The following RCOR1 variants were observed in gnomAD, a reference collection of about 807,000 sequenced individuals.
RCOR1 encodes the protein REST corepressor 1.
Under a neutral mutation model 64.0 loss-of-function variants are expected in RCOR1, and 12 were observed. The ratio of observed to expected loss-of-function variants is 0.19; its 90% CI spans 0.12 to 0.30. The LOEUF is 0.30. RCOR1 is among the 10% of genes least tolerant of loss of function. The pLI is 1.00. For missense variants in RCOR1, 502 were observed against 621.2 expected, an observed-to-expected ratio of 0.81 and a Z score of 2.04; for synonymous variants, 279 against 227.2, an observed-to-expected ratio of 1.23 and a Z score of -2.05.
At chr14:102,612,973 A>AT (rs138481470) in intron 2 of RCOR1, among the ~76,000 whole-genome samples, 1 of 151,416 alleles carries the variant, frequency 6.6e-6, no homozygotes, top group Non-Finnish European at 1.5e-5. Context: ...AAAAAAAAAA[A>AT]GAAAAAACAA....
chr14:102,712,832 A>G (rs932416478), intron 7 of RCOR1, among the ~76,000 whole-genome samples: 1 of 150,020 alleles, frequency 6.7e-6, no homozygotes, highest in Non-Finnish European at 1.5e-5. Context: ...ATGTATTGCT[A>G]TTTACTAGGT....
rs1896303661 is a variant in RCOR1, at chr14:102,727,998, C to A, written c.*1492C>A. 1 of 152,482 alleles carries A rather than the reference C, an allele frequency of 6.6e-6. No individual in the cohort carries two copies. Among genetic ancestry groups the A allele is most frequent in the Admixed American group, 6.6e-5 (1 of 15,260 alleles). 9.4% of individuals were successfully genotyped at this position (152,482 alleles called of 1,614,324 possible). On this transcript the variant is annotated 3_prime_UTR_variant, in exon 12 of 12. Transcript: ENST00000262241. ...TCCTGCTTTCAATACCAAAAAAATG[C>A]AGATGCTTTAAGGCCTAAACAGAAT...
At chr14:102,625,138 G>A (rs1893954026) in intron 2 of RCOR1, among the ~76,000 whole-genome samples, 1 of 151,804 alleles carries the variant, frequency 6.6e-6, no homozygotes, top group Admixed American at 6.6e-5. Flanking sequence ...GCCTCCCAAA[G>A]TGTTGGGATT....
At chr14:102,629,208 C>T (rs536092119) in intron 2 of RCOR1, among the ~76,000 whole-genome samples, 2 of 152,292 alleles carry the variant, frequency 1.3e-5, no homozygotes, top group East Asian at 1.9e-4. Context: ...ATTCTTGCCA[C>T]GTGTACTGAA....
intron 2 of RCOR1, among the ~76,000 whole-genome samples, chr14:102,653,006 C>T (rs1174230646): frequency 6.6e-6 from 1 of 152,090 alleles, no homozygotes; most frequent in Non-Finnish European, 1.5e-5. Flanking sequence ...GATCTTGGCT[C>T]ACTGCAACCT....
chr14:102,625,863 C>T (rs982997947), intron 2 of RCOR1, among the ~76,000 whole-genome samples: 6 of 152,202 alleles, frequency 3.9e-5, no homozygotes, highest in East Asian at 1.9e-4. Context: ...TTCCCAGAGC[C>T]GCTGTGAATG....
intron 2 of RCOR1, among the ~76,000 whole-genome samples, chr14:102,632,641 T>G: frequency 1.6e-5 from 1 of 61,924 alleles, no homozygotes; most frequent in Non-Finnish European, 3.8e-5. Flanking sequence ...TTCCTTTCCT[T>G]TCCTTTCCTT....
chr14:102,606,463 C>T (rs889726155), intron 2 of RCOR1, among the ~76,000 whole-genome samples: 3 of 152,028 alleles, frequency 2.0e-5, no homozygotes, highest in African/African-American at 7.2e-5. Context: ...TCAAACTTAG[C>T]GTGGATATAG....
chr14:102,647,921 C>T (rs756284495), intron 2 of RCOR1, among the ~76,000 whole-genome samples: 8 of 151,610 alleles, frequency 5.3e-5, no homozygotes, highest in Non-Finnish European at 7.4e-5. Context: ...TCAAGTGAGC[C>T]GCCTACCTTG....
intron 11 of RCOR1, among the ~76,000 whole-genome samples, chr14:102,724,077 C>G (rs1460104769): frequency 6.6e-6 from 1 of 151,852 alleles, no homozygotes; most frequent in Non-Finnish European, 1.5e-5. Context: ...CCGTAATGAT[C>G]CACTTACCGT....
At chr14:102,616,248 G>GTGTA (rs1366651748) in intron 2 of RCOR1, among the ~76,000 whole-genome samples, 3 of 149,612 alleles carry the variant, frequency 2.0e-5, no homozygotes, top group Non-Finnish European at 4.4e-5. Context: ...GTGTGTGTGT[G>GTGTA]TATGTGTGTG....
chr14:102,668,165 A>G (rs1337320455), intron 2 of RCOR1, among the ~76,000 whole-genome samples: 1 of 152,202 alleles, frequency 6.6e-6, no homozygotes, highest in East Asian at 1.9e-4. Context: ...TAATTCCTCT[A>G]CATCACATCC....
At chr14:102,719,584 C>CT (rs1461046543) in intron 8 of RCOR1, among the ~76,000 whole-genome samples, 1 of 151,956 alleles carries the variant, frequency 6.6e-6, no homozygotes, top group African/African-American at 2.4e-5. Flanking sequence ...TAAACTCATC[C>CT]TTTTTTATGG....
At chr14:102,715,781 C>A (rs1167379345) in intron 8 of RCOR1, among the ~76,000 whole-genome samples, 1 of 152,180 alleles carries the variant, frequency 6.6e-6, no homozygotes, top group African/African-American at 2.4e-5. Context: ...GTCTGGCTTT[C>A]TTTCAACCTG....
chr14:102,657,886 A>ACAGGC (rs1373870774), intron 2 of RCOR1: 1 of 971,218 alleles, frequency 1.0e-6, no homozygotes, highest in Non-Finnish European at 1.2e-6. Flanking sequence ...CAAACTTGGA[A>ACAGGC]CAGGCCAGTT....
intron 2 of RCOR1, among the ~76,000 whole-genome samples, chr14:102,634,804 C>T (rs527824404): frequency 6.6e-6 from 1 of 151,706 alleles, no homozygotes; most frequent in African/African-American, 2.4e-5. Flanking sequence ...TCAAGTGATT[C>T]TCCTGCCTCA....
intron 2 of RCOR1, among the ~76,000 whole-genome samples, chr14:102,614,924 C>T (rs980273642): frequency 4.0e-5 from 6 of 151,634 alleles, no homozygotes; most frequent in South Asian, 2.1e-4. Flanking sequence ...CTCCACCTCC[C>T]GGGTTCATAC....
At chr14:102,710,449 G>A (rs1453014650) in intron 6 of RCOR1, among the ~76,000 whole-genome samples, 1 of 152,158 alleles carries the variant, frequency 6.6e-6, no homozygotes, top group East Asian at 1.9e-4. Flanking sequence ...CACCAGAAAA[G>A]CCTCAGACTT....
intron 2 of RCOR1, among the ~76,000 whole-genome samples, chr14:102,624,720 C>G (rs1274175184): frequency 6.6e-6 from 1 of 150,684 alleles, no homozygotes; most frequent in Non-Finnish European, 1.5e-5. Context: ...GAGCTGAGAT[C>G]TTACCCCTAC....
Sources: gnomAD v4.1 joint callset for allele counts (sites outside exome capture counted in the v4.1 genomes callset) on GRCh38, gnomAD v4.1.1 for gene constraint, MANE v1.5 for transcripts, NCBI Gene and HGNC (gene_info 2026-07-23, HGNC 2026-07-21) for gene names.